FRMPD2: variants seen among roughly 807,000 people sequenced by gnomAD.
The protein encoded by FRMPD2 is FERM and PDZ domain-containing protein 2.
Under a neutral mutation model 140.1 loss-of-function variants are expected in FRMPD2, and 96 were observed. The ratio of observed to expected loss-of-function variants is 0.69; its 90% CI spans 0.58 to 0.81. FRMPD2 has a LOEUF of 0.81. Ranked by LOEUF, FRMPD2 falls within the 40% of genes least tolerant of loss-of-function variation. FRMPD2 has a pLI of 0.00. For missense variants in FRMPD2, 1,240 were observed against 1,447.4 expected (o/e 0.86, Z 2.32); for synonymous variants, 449 against 547.6 (o/e 0.82, Z 2.52).
intron 3 of FRMPD2, among the ~76,000 whole-genome samples, chr10:48,247,078 G>T (rs887339718): frequency 6.6e-6 from 1 of 152,186 alleles, no homozygotes; most frequent in East Asian, 1.9e-4. Flanking sequence ...TCCTGGCCAG[G>T]ACTCAGCAAT....
intron 3 of FRMPD2, among the ~76,000 whole-genome samples, chr10:48,246,804 T>C (rs1318847301): frequency 6.6e-6 from 1 of 152,118 alleles, no homozygotes; most frequent in African/African-American, 2.4e-5. Flanking sequence ...CATGCCAAAC[T>C]GGATGAAGAG....
At chr10:48,197,478 G>T (rs12252490) in intron 15 of FRMPD2, among the ~76,000 whole-genome samples, 14 of 152,242 alleles carry the variant, frequency 9.2e-5, no homozygotes, top group Admixed American at 7.2e-4. Flanking sequence ...GAGTCTACTG[G>T]ACTCCACAGG....
intron 15 of FRMPD2, among the ~76,000 whole-genome samples, chr10:48,200,193 T>TAAAAAAAAAA (rs879909099): frequency 5.7e-5 from 8 of 139,340 alleles, no homozygotes; most frequent in Non-Finnish European, 7.8e-5. Flanking sequence ...AATAAATAAA[T>TAAAAAAAAAA]AAATAAAACA....
At chr10:48,244,070 G>A (rs1171079351) in intron 4 of FRMPD2, among the ~76,000 whole-genome samples, 2 of 152,098 alleles carry the variant, frequency 1.3e-5, no homozygotes, top group Non-Finnish European at 2.9e-5. Flanking sequence ...TTCCCCTCCC[G>A]GCCCCCGGGG....
intron 1 of FRMPD2, among the ~76,000 whole-genome samples, chr10:48,262,389 A>G (rs752836972): frequency 4.1e-4 from 62 of 152,230 alleles, no homozygotes; most frequent in Non-Finnish European, 8.5e-4. Context: ...GAAAATTATC[A>G]GGAATACAAA....
intron 1 of FRMPD2, among the ~76,000 whole-genome samples, chr10:48,274,144 G>T (rs545794993): frequency 1.3e-5 from 2 of 152,266 alleles, no homozygotes; most frequent in South Asian, 4.2e-4. Flanking sequence ...TGCCTTACGC[G>T]TGTCACCCCA....
intron 28 of FRMPD2, among the ~76,000 whole-genome samples, chr10:48,162,988 C>T (rs1258206445): frequency 6.9e-6 from 1 of 145,778 alleles, no homozygotes; most frequent in East Asian, 2.0e-4. Flanking sequence ...AACGAGGATG[C>T]ATGTAGGAAC....
In FRMPD2 at chr10:48,161,167, G is replaced by A. The variant is rs1358160719; in HGVS notation, c.3881+2161C>T. ...ATGGGTACATGGACCATGTGGGCCC[G>A]GCAGTGAGTATGATGGTTGATGGGC... On this transcript the variant is annotated intron_variant, in intron 28 of 28. Coordinates refer to ENST00000374201, the MANE Select transcript of FRMPD2 (RefSeq NM_001018071.4). Among the ~76,000 whole-genome samples the A allele has an allele frequency of 3.3e-5, 5 of 150,530 alleles. No homozygotes were observed. In the East Asian group the frequency reaches 7.8e-4, roughly 24 times the overall value.
At chr10:48,239,713 A>G (rs367591525) in intron 6 of FRMPD2, 21 bp from the exon 7 acceptor site, 1 of 1,593,232 alleles carries the variant, frequency 6.3e-7, no homozygotes. Context: ...AGCATGGTAG[A>G]GGGTATGGGC....
rs115673657 is a variant in FRMPD2 at position 48,206,823 on chromosome 10, G to T, written c.1722C>A (p.Val574=). 22 of 1,614,028 alleles carry T rather than the reference G, an allele frequency of 1.4e-5. No homozygotes were observed. The Middle Eastern group carries it at 1.6e-3, about 121-fold the overall frequency. Residue 574 remains valine (V), a synonymous_variant, in exon 14 of 29, where the codon GTC becomes GTA. Coordinates refer to ENST00000374201, the MANE Select transcript of FRMPD2 (RefSeq NM_001018071.4). Reference sequence around the variant, plus strand: ...TTCTGCTGTTGTTTTTCACTTCATAGACTATGACACCCTTGGCACAGATCC... The same window carrying T: ...TTCTGCTGTTGTTTTTCACTTCATATACTATGACACCCTTGGCACAGATCC... ...ALGICAKGVI[V]YEVKNNSRIA... is the part of the protein sequence containing the mutation.
chr10:48,239,256 T>C (rs554685374), intron 7 of FRMPD2, among the ~76,000 whole-genome samples: 8 of 152,356 alleles, frequency 5.3e-5, no homozygotes, highest in African/African-American at 1.9e-4. Flanking sequence ...GCTAAATTCA[T>C]AATTGTTGCT....
intron 1 of FRMPD2, among the ~76,000 whole-genome samples, chr10:48,256,000 A>G (rs914350792): frequency 6.6e-6 from 1 of 152,228 alleles, no homozygotes; most frequent in African/African-American, 2.4e-5. Context: ...TAGGAGCAGT[A>G]TGAATCTTGG....
At chr10:48,217,106 G>C (rs1839468311) in intron 12 of FRMPD2, among the ~76,000 whole-genome samples, 1 of 152,176 alleles carries the variant, frequency 6.6e-6, no homozygotes. Flanking sequence ...AGGGGACAGA[G>C]GGGAATTGAA....
intron 1 of FRMPD2, among the ~76,000 whole-genome samples, chr10:48,271,195 C>T (rs1176063129): frequency 6.6e-6 from 1 of 152,152 alleles, no homozygotes; most frequent in Non-Finnish European, 1.5e-5. Context: ...CGCACCACAA[C>T]CCCCTTGCCT....
In FRMPD2 at chr10:48,187,230, T is replaced by A. The variant is rs375803706; in HGVS notation, c.2228A>T (p.Asp743Val). ...CTGAACAGGTGGTCCAGAGAGAGAG[T>A]CCCAGGTCATTGGCTTCTGGATCAC... ...ACVIQKPMTW[D>V]SLSGPPVQSM... Residue 743 changes from aspartate (D) to valine (V), a missense_variant, in exon 17 of 29, where the codon GAC (aspartate) becomes GTC (valine). Physicochemically the swap from Asp to Val is radical, Grantham distance 152. This residue lies in a region of FRMPD2 where 1,161 missense variants were observed against 1,055.9 expected (regional missense o/e 1.10). Transcript: ENST00000374201. The A allele has an allele frequency of 6.2e-7, 1 of 1,613,432 alleles. No individual in the cohort carries two copies. Among genetic ancestry groups the A allele is most frequent in the Non-Finnish European group, 8.5e-7 (1 of 1,179,844 alleles).
chr10:48,205,982 G>GA (rs1839189543), intron 14 of FRMPD2, among the ~76,000 whole-genome samples: 1 of 151,948 alleles, frequency 6.6e-6, no homozygotes, highest in Non-Finnish European at 1.5e-5. Flanking sequence ...AATTAAATAG[G>GA]AAAAAAACAT....
intron 14 of FRMPD2, among the ~76,000 whole-genome samples, chr10:48,202,744 T>C (rs750919120): frequency 6.6e-6 from 1 of 152,260 alleles, no homozygotes; most frequent in African/African-American, 2.4e-5. Context: ...TAGGCTTTCA[T>C]GCAATCCTGA....
At position 48,202,944 on chromosome 10, in the gene FRMPD2, T is replaced by C. The variant is rs1839123141; in HGVS notation, c.1798-1560A>G. On this transcript the variant is annotated intron_variant, in intron 14 of 28. Coordinates refer to ENST00000374201, the MANE Select transcript of FRMPD2 (RefSeq NM_001018071.4). ...GCCTCCCAAGTAGTTGGGACCACAG[T>C]GAGGCACCACCATACCCAGCTAATT... Among the ~76,000 whole-genome samples, 3 of 151,962 alleles carry C rather than the reference T, an allele frequency of 2.0e-5. No individual in the cohort carries two copies. The South Asian group carries it at 6.2e-4, about 32-fold the overall frequency.
chr10:48,232,279 C>T lies in FRMPD2; in HGVS notation c.1004G>A (p.Gly335Glu), dbSNP rs1839870092. 2 of 1,609,620 alleles carry T rather than the reference C, an allele frequency of 1.2e-6. No individual in the cohort carries two copies. The highest frequency in any genetic ancestry group is 1.1e-5 in the South Asian group (1 of 90,432). ...GTCCCTGAGAGCCAAATAGGATTTC[C>T]CTTTTTTGGTCTGAAAACAACAACA... Reference protein sequence around the residue: ...HLPGSVVTKKGKSYLALRDLC... With the variant: ...HLPGSVVTKKEKSYLALRDLC... The change falls in exon 10 of 29, where the codon GGG becomes GAG. Residue 335 changes from glycine (G) to glutamate (E), a missense_variant. By Grantham distance (98) the Gly-to-Glu change is moderately conservative. Coordinates refer to ENST00000374201, the MANE Select transcript of FRMPD2 (RefSeq NM_001018071.4).
Sources: allele counts gnomAD v4.1 joint callset (sites outside exome capture counted in the v4.1 genomes callset), GRCh38; gene constraint gnomAD v4.1.1; regional missense constraint gnomAD v4.1.1; transcripts MANE v1.5; gene names NCBI Gene and HGNC (gene_info 2026-07-23, HGNC 2026-07-21).